SEPTIN11: variants seen among roughly 807,000 people sequenced by gnomAD.
SEPTIN11 encodes septin 11, also known as septin-11.
SEPTIN11 carries 25 observed loss-of-function variants against 51.4 expected under a neutral mutation model. The observed-to-expected ratio is 0.49, with a 90% CI of 0.35 to 0.68. SEPTIN11 has a LOEUF of 0.68. SEPTIN11 is among the 30% of genes least tolerant of loss of function. SEPTIN11 has a pLI of 0.00. For synonymous variants in SEPTIN11, 174 were observed against 184.1 expected, an observed-to-expected ratio of 0.95 and a Z score of 0.44; for missense variants, 381 against 520.8, an observed-to-expected ratio of 0.73 and a Z score of 2.61.
At chr4:77,016,639 T>TATATATATATATACAC (rs1560736409) in intron 5 of SEPTIN11, among the ~76,000 whole-genome samples, 2 of 110,904 alleles carry the variant, frequency 1.8e-5, no homozygotes, top group East Asian at 5.3e-4. Context: ...TACACATATA[T>TATATATATATATACAC]ATATATATAT....
chr4:77,025,406 T>C (rs1726047958), intron 7 of SEPTIN11, among the ~76,000 whole-genome samples: 1 of 152,058 alleles, frequency 6.6e-6, no homozygotes, highest in Non-Finnish European at 1.5e-5. Context: ...CTGGGCATGG[T>C]GGCACATGCT....
At position 76,984,298 on chromosome 4, in the gene SEPTIN11, G is replaced by T. The variant is rs1722915130; in HGVS notation, c.28-12127G>T. Among the ~76,000 whole-genome samples the T allele has an allele frequency of 6.6e-6, 1 of 152,052 alleles. No individual in the cohort carries two copies. Among genetic ancestry groups the T allele is most frequent in the Admixed American group, 6.6e-5 (1 of 15,258 alleles). ...AAACAGCCCTGGTGCTTTTGTTCAT[G>T]ACTTGCTTGGAACTGGATTGGATTT... is the stretch of plus-strand genomic sequence containing the variant. On this transcript the variant is annotated intron_variant, in intron 1 of 9. Coordinates refer to ENST00000264893, the MANE Select transcript of SEPTIN11 (RefSeq NM_018243.4). The surrounding 1 kb of genome is among the most constrained non-coding windows in gnomAD (Gnocchi z 4.1).
At chr4:76,973,521 C>G (rs80218233) in intron 1 of SEPTIN11, among the ~76,000 whole-genome samples, 122 of 152,354 alleles carry the variant, frequency 8.0e-4, no homozygotes, top group African/African-American at 2.4e-3. Flanking sequence ...CTCTTCAGCT[C>G]TCCACACAGC....
Position 76,951,982 on chromosome 4 carries a change from C to A in SEPTIN11, c.27+2052C>A, listed in dbSNP as rs144771705. On this transcript the variant is annotated intron_variant, in intron 1 of 9. Coordinates refer to ENST00000264893, the MANE Select transcript of SEPTIN11 (RefSeq NM_018243.4). ...ACTGGAATTAAAATTAAATTACAAT[C>A]TAAAGACAGAAGACTTTTCTTTTGG... 1.1e-4 allele frequency among the ~76,000 whole-genome samples: 16 copies of A among 152,280 alleles called. No homozygotes were observed. The East Asian group carries it at 2.9e-3, about 27-fold the overall frequency.
chr4:76,971,561 A>G (rs932748897), intron 1 of SEPTIN11, among the ~76,000 whole-genome samples: 2 of 148,120 alleles, frequency 1.4e-5, no homozygotes, highest in Non-Finnish European at 2.9e-5. Flanking sequence ...TTTTAGCTTA[A>G]GATTAGATTT....
chr4:77,006,205 AG>A (rs998515478), intron 3 of SEPTIN11, among the ~76,000 whole-genome samples: 2 of 152,070 alleles, frequency 1.3e-5, no homozygotes, highest in Non-Finnish European at 2.9e-5. Flanking sequence ...AGGACACTAG[AG>A]GGGAGGTCTC....
chr4:76,973,383 G>T (rs1722335122), intron 1 of SEPTIN11, among the ~76,000 whole-genome samples: 1 of 152,198 alleles, frequency 6.6e-6, no homozygotes, highest in Non-Finnish European at 1.5e-5. Flanking sequence ...GGAACTGGCT[G>T]TGGCTTGCAG....
chr4:77,036,907 G>T lies in SEPTIN11; in HGVS notation c.*2395G>T. 2 of 1,354,540 alleles carry T rather than the reference G, an allele frequency of 1.5e-6. No homozygotes were observed. Among genetic ancestry groups the T allele is most frequent in the South Asian group, 1.9e-5 (1 of 51,320 alleles). The allele number at this position is 1,354,540 out of a possible 1,614,324, so 83.9% of individuals were successfully genotyped here. On this transcript the variant is annotated 3_prime_UTR_variant, in exon 10 of 10. Transcript: ENST00000264893. ...AAAATTAGAGAAAGCAAATGGGATGGATAGATTTTTTTTTTCTTTTCAAGG... is the reference window on the plus strand; with the variant it reads ...AAAATTAGAGAAAGCAAATGGGATGTATAGATTTTTTTTTTCTTTTCAAGG...
chr4:77,003,374 A>G (rs187461638), intron 2 of SEPTIN11, among the ~76,000 whole-genome samples: 4 of 152,334 alleles, frequency 2.6e-5, no homozygotes, highest in Non-Finnish European at 2.9e-5. Flanking sequence ...TGGTGTTCCC[A>G]TAATTATAAA....
intron 8 of SEPTIN11, among the ~76,000 whole-genome samples, chr4:77,029,421 A>G (rs959926722): frequency 2.0e-5 from 3 of 152,156 alleles, no homozygotes; most frequent in African/African-American, 7.2e-5. Flanking sequence ...GTGTTTGACC[A>G]ATGTCTCTAT....
intron 5 of SEPTIN11, among the ~76,000 whole-genome samples, chr4:77,018,605 C>T (rs1725477582): frequency 6.6e-6 from 1 of 152,106 alleles, no homozygotes; most frequent in African/African-American, 2.4e-5. Context: ...AATTTACATA[C>T]AGGTTTCTCC....
Position 77,034,478 on chromosome 4 carries a change from T to A in SEPTIN11, c.1275-19T>A. ...TTATTATTATTTCTAACTTTTTTGT[T>A]TTGTTTTTTAACTTGCAGTGCAAGC... On this transcript the variant is annotated intron_variant, in intron 9 of 9. Coordinates refer to ENST00000264893, the MANE Select transcript of SEPTIN11 (RefSeq NM_018243.4). The A allele has an allele frequency of 6.6e-7, 1 of 1,526,256 alleles. No homozygotes were observed. The highest frequency in any genetic ancestry group is 8.8e-7 in the Non-Finnish European group (1 of 1,142,092). 94.5% of individuals were successfully genotyped at this position (1,526,256 alleles called of 1,614,324 possible).
chr4:77,012,863 A>G (rs891974391), intron 4 of SEPTIN11, among the ~76,000 whole-genome samples: 7 of 152,332 alleles, frequency 4.6e-5, no homozygotes, highest in African/African-American at 1.7e-4. Context: ...GTTTACAGAA[A>G]AATCTTCTAA....
chr4:77,039,274 G>A (rs1727236503), downstream of SEPTIN11: 1 of 1,133,922 alleles, frequency 8.8e-7, no homozygotes, highest in South Asian at 2.0e-5. Context: ...AGTGGATACT[G>A]AAGTGACTTA....
intron 1 of SEPTIN11, among the ~76,000 whole-genome samples, chr4:76,975,931 T>A (rs1416176635): frequency 2.0e-5 from 3 of 152,206 alleles, no homozygotes; most frequent in Middle Eastern, 3.2e-3. Flanking sequence ...AAGGTAACAC[T>A]ATAAAGAAAA....
In SEPTIN11 at chr4:76,985,317, C is replaced by T. The variant is rs114735431; in HGVS notation, c.28-11108C>T. 1.5e-3 allele frequency among the ~76,000 whole-genome samples: 230 copies of T among 152,316 alleles called. 2 individuals carry two copies. Among genetic ancestry groups the T allele is most frequent in the African/African-American group, 5.0e-3 (206 of 41,560 alleles). ...TGTCTCTAAGAAAAAAGTGCTCTAGCTTTGTACAGTTTTTGGATTTTCACA... is the reference window on the plus strand; with the variant it reads ...TGTCTCTAAGAAAAAAGTGCTCTAGTTTTGTACAGTTTTTGGATTTTCACA... On this transcript the variant is annotated intron_variant, in intron 1 of 9. Transcript: ENST00000264893.
chr4:77,011,742 C>T lies in SEPTIN11; in HGVS notation c.346C>T (p.Pro116Ser). The T allele has an allele frequency of 6.2e-7, 1 of 1,613,770 alleles. No individual in the cohort carries two copies. Reference protein sequence around the residue: ...DQINKDDSYKPIVEYIDAQFE... With the variant: ...DQINKDDSYKSIVEYIDAQFE... ...GCTGTTTCTGCATTCTAGCTATAAG[C>T]CGATAGTAGAATATATTGATGCCCA... The change falls in exon 4 of 10, where the codon CCG becomes TCG. Residue 116 changes from proline (P) to serine (S), a missense_variant. By Grantham distance (74) the Pro-to-Ser change is moderately conservative. This residue lies in a region of SEPTIN11 where 184 missense variants were observed against 207.7 expected (regional missense o/e 0.89). Transcript: ENST00000264893.
At chr4:76,999,015 A>G (rs1723929021) in intron 2 of SEPTIN11, among the ~76,000 whole-genome samples, 1 of 152,152 alleles carries the variant, frequency 6.6e-6, no homozygotes, top group African/African-American at 2.4e-5. Context: ...GCTTTCTCAC[A>G]GTTACATAGG....
At chr4:76,951,585 C>T (rs1721349952) in intron 1 of SEPTIN11, among the ~76,000 whole-genome samples, 1 of 152,108 alleles carries the variant, frequency 6.6e-6, no homozygotes. Flanking sequence ...ATTCAGAGAA[C>T]TAAAATAACA....
Sources: allele counts gnomAD v4.1 joint callset (sites outside exome capture counted in the v4.1 genomes callset), GRCh38; gene constraint gnomAD v4.1.1; regional missense constraint gnomAD v4.1.1; non-coding constraint Gnocchi (gnomAD v3.1); transcripts MANE v1.5; gene names NCBI Gene and HGNC (gene_info 2026-07-23, HGNC 2026-07-21).